The following PCDHA5 variants were observed in gnomAD, a reference collection of about 807,000 sequenced individuals.
PCDHA5 encodes protocadherin alpha 5.
In PCDHA5, 43 loss-of-function variants were observed where a neutral mutation model predicts 61.6. That is an observed-to-expected ratio of 0.70 (90% CI 0.55 to 0.90). The LOEUF (loss-of-function observed/expected upper bound fraction) is 0.90, where lower values mean the gene tolerates loss of function less well. PCDHA5 is among the 40% of genes least tolerant of loss of function. PCDHA5 has a pLI of 0.00. For synonymous variants in PCDHA5, 627 were observed against 543.9 expected (o/e 1.15, Z -2.13); for missense variants, 1,298 against 1,222.7 (o/e 1.06, Z -0.92).
intron 1 of PCDHA5, among the ~76,000 whole-genome samples, chr5:140,899,099 A>G (rs1379248424): frequency 6.6e-6 from 1 of 152,162 alleles, no homozygotes; most frequent in African/African-American, 2.4e-5. Context: ...GGCTGAGATA[A>G]TGGGGTTTTC....
At chr5:140,828,479 C>T in intron 1 of PCDHA5, 1 of 1,614,204 alleles carries the variant, frequency 6.2e-7, no homozygotes, top group Non-Finnish European at 8.5e-7. Context: ...TAACGACAAC[C>T]CGCCCTTGTT....
rs1347571265 is a variant in PCDHA5, at chr5:140,848,315, C to T, written c.2352+24188C>T. On this transcript the variant is annotated intron_variant, in intron 1 of 3. Transcript: ENST00000529859. ...GGCCACGTGATGTCACTCTTTGCCG[C>T]GATGTTCTCTCTGAATCCAGACAAA... is the stretch of plus-strand genomic sequence containing the variant. 5.4e-6 allele frequency: 4 copies of T among 741,056 alleles called. 1 individual carries two copies. Among genetic ancestry groups the T allele is most frequent in the East Asian group, 5.0e-5 (2 of 40,334 alleles). 45.9% of individuals were successfully genotyped at this position (741,056 alleles called of 1,614,324 possible).
chr5:140,927,894 C>T (rs372774238), intron 1 of PCDHA5: 2 of 1,614,208 alleles, frequency 1.2e-6, no homozygotes, highest in South Asian at 2.2e-5. Context: ...CTGACGTGAA[C>T]GATCATGCCC....
intron 1 of PCDHA5, among the ~76,000 whole-genome samples, chr5:140,924,936 TAAAAA>T (rs2082205335): frequency 8.1e-6 from 1 of 123,442 alleles, no homozygotes; most frequent in East Asian, 2.8e-4. Context: ...TAAAATAAAA[TAAAAA>T]GTTAAAAAAA....
At chr5:140,878,098 A>C in intron 1 of PCDHA5, 1 of 278,310 alleles carries the variant, frequency 3.6e-6, no homozygotes, top group Non-Finnish European at 6.4e-6. Flanking sequence ...TGACTGATGA[A>C]CCTTGAAAAA....
intron 2 of PCDHA5, among the ~76,000 whole-genome samples, chr5:140,981,353 C>G (rs551731316): frequency 6.6e-6 from 1 of 152,048 alleles, no homozygotes; most frequent in East Asian, 1.9e-4. Context: ...GCAGGTGGAT[C>G]ACTTGAGGTC....
intron 1 of PCDHA5, among the ~76,000 whole-genome samples, chr5:140,846,443 C>T (rs1355812875): frequency 2.2e-5 from 3 of 134,856 alleles, no homozygotes; most frequent in Non-Finnish European, 4.7e-5. Context: ...GGCGCAATCT[C>T]GGCTCACTGC....
In PCDHA5 at chr5:141,009,718, A is replaced by G. The variant is rs2098413942; in HGVS notation, c.2592A>G (p.Gln864=). Residue 864 remains glutamine, a synonymous_variant, in exon 4 of 4, where the codon CAA becomes CAG. Transcript: ENST00000529859. ...TFKYGPGNPK[Q]SGPGELPDKF... ...AATACGGACCAGGCAACCCCAAACA[A>G]TCCGGTCCCGGTGAGTTGCCCGACA... The G allele has an allele frequency of 1.2e-6, 2 of 1,614,044 alleles. No homozygotes were observed. The highest frequency in any genetic ancestry group is 1.1e-5 in the South Asian group (1 of 91,052).
intron 1 of PCDHA5, chr5:140,830,919 GTTTTTCTGTCGACAC>G: frequency 6.6e-6 from 1 of 152,324 alleles, no homozygotes; most frequent in Admixed American, 6.5e-5. Context: ...CCATTTCAAT[GTTTTTCTGTCGACAC>G]TTTTATTAAG....
At chr5:140,871,112 A>G (rs1554165130) in intron 1 of PCDHA5, 2 of 1,613,290 alleles carry the variant, frequency 1.2e-6, no homozygotes, top group Non-Finnish European at 1.7e-6. Context: ...TCGTTGGTGG[A>G]GAGCGGACAG....
intron 1 of PCDHA5, among the ~76,000 whole-genome samples, chr5:140,950,723 A>G (rs1478275346): frequency 1.3e-5 from 2 of 151,984 alleles, no homozygotes; most frequent in African/African-American, 4.8e-5. Flanking sequence ...ATATCCTTAA[A>G]TTTTTTAATC....
chr5:140,966,938 G>T, intron 1 of PCDHA5: 1 of 1,604,146 alleles, frequency 6.2e-7, no homozygotes, highest in African/African-American at 1.3e-5. Flanking sequence ...CGGCGCGCTC[G>T]TGGGCAACGT....
Position 140,823,210 on chromosome 5 carries a change from C to T in PCDHA5, c.1435C>T (p.Arg479Trp), listed in dbSNP as rs2150123487. 11 of 1,613,788 alleles carry T rather than the reference C, an allele frequency of 6.8e-6. No homozygotes were observed. The highest frequency in any genetic ancestry group is 3.3e-5 in the South Asian group (3 of 91,078). Reference sequence around the variant, plus strand: ...CTGCCACATCTTCACGGTGTCTGCACGGGACGCGGACGCGCAGGAGAACGC... The same window carrying T: ...CTGCCACATCTTCACGGTGTCTGCATGGGACGCGGACGCGCAGGAGAACGC... ...PGCHIFTVSA[R>W]DADAQENALV... Residue 479 changes from arginine (R) to tryptophan (W), a missense_variant, in exon 1 of 4, where the codon CGG (arginine) becomes TGG (tryptophan). Transcript: ENST00000529859.
intron 1 of PCDHA5, chr5:140,855,976 G>C: frequency 6.9e-7 from 1 of 1,448,118 alleles, no homozygotes; most frequent in Non-Finnish European, 9.3e-7. Context: ...TAAGAAATAG[G>C]ACAGAAAATG....
intron 1 of PCDHA5, chr5:140,969,097 C>G (rs2096295003): frequency 6.2e-7 from 1 of 1,614,072 alleles, no homozygotes; most frequent in African/African-American, 1.3e-5. Flanking sequence ...TGCAGCCTCA[C>G]TTCATTGAAG....
chr5:140,897,946 T>G (rs1311278458), intron 1 of PCDHA5, among the ~76,000 whole-genome samples: 1 of 152,276 alleles, frequency 6.6e-6, no homozygotes, highest in African/African-American at 2.4e-5. Context: ...CCAGTGATGA[T>G]TAGCATTTTT....
intron 1 of PCDHA5, chr5:140,858,285 G>T: frequency 6.3e-7 from 1 of 1,597,520 alleles, no homozygotes; most frequent in Non-Finnish European, 8.6e-7. Flanking sequence ...GTGGGGAGCT[G>T]GTCTTACTCG....
chr5:140,826,337 GAACCC>G (rs1768904080), intron 1 of PCDHA5, among the ~76,000 whole-genome samples: 1 of 152,056 alleles, frequency 6.6e-6, no homozygotes, highest in Non-Finnish European at 1.5e-5. Flanking sequence ...TTAAGAAATT[GAACCC>G]TTTGTTTGCC....
At chr5:140,870,715 G>C in intron 1 of PCDHA5, 1 of 1,613,128 alleles carries the variant, frequency 6.2e-7, no homozygotes, top group Non-Finnish European at 8.5e-7. Context: ...GAGCGCGCGC[G>C]ATGCGGGCGT....
Sources: gnomAD v4.1 joint callset for allele counts (sites outside exome capture counted in the v4.1 genomes callset) on GRCh38, gnomAD v4.1.1 for gene constraint, MANE v1.5 for transcripts, NCBI Gene and HGNC (gene_info 2026-07-23, HGNC 2026-07-21) for gene names.